Variants in SYNE1 observed in about 807,000 individuals in gnomAD.
SYNE1 encodes the protein spectrin repeat containing nuclear envelope protein 1, also known as nesprin-1.
Under a neutral mutation model 1,111.0 loss-of-function variants are expected in SYNE1, and 616 were observed. The ratio of observed to expected loss-of-function variants is 0.55; its 90% CI spans 0.52 to 0.59. The LOEUF (loss-of-function observed/expected upper bound fraction) is 0.59, where lower values mean the gene tolerates loss of function less well. Ranked by LOEUF, SYNE1 falls within the 20% of genes least tolerant of loss-of-function variation. SYNE1 has a pLI of 0.00. For missense variants in SYNE1, 10,006 were observed against 10,417.0 expected (o/e 0.96, Z 1.72); for synonymous variants, 3,855 against 3,825.8 (o/e 1.01, Z -0.28).
chr6:152,565,022 T>C (rs997097729), intron 3 of SYNE1, among the ~76,000 whole-genome samples: 20 of 152,250 alleles, frequency 1.3e-4, no homozygotes, highest in Admixed American at 1.1e-3. Flanking sequence ...TTTTTACTCT[T>C]ATTGATTTAA....
In SYNE1 at chr6:152,462,879, A is replaced by T. The variant is rs1405392641; in HGVS notation, c.2109T>A (p.Ala703=). The change falls in exon 20 of 146, where the codon GCT becomes GCA. Residue 703 remains alanine, a synonymous_variant. Transcript: ENST00000367255. ...CCTTCTTCATTCTGTCCATCTCATC[A>T]GCTTGAGCATACTGTTAAGGAAAGG... is the stretch of plus-strand genomic sequence containing the variant. ...LFMEVKQYAQ[A]DEMDRMKKEY... is the part of the protein sequence containing the mutation. 6.2e-7 allele frequency: 1 copy of T among 1,613,942 alleles called. No homozygotes were observed. Among genetic ancestry groups the T allele is most frequent in the East Asian group, 2.2e-5 (1 of 44,856 alleles).
At chr6:152,597,227 G>T (rs1223282271) in intron 3 of SYNE1, among the ~76,000 whole-genome samples, 1 of 152,074 alleles carries the variant, frequency 6.6e-6, no homozygotes. Flanking sequence ...TTAAATAGAC[G>T]TGCATCTTAC....
rs768586474 is a variant in SYNE1 at position 152,488,466 on chromosome 6, C to T, written c.977G>A (p.Trp326Ter). The T allele has an allele frequency of 1.2e-6, 2 of 1,607,784 alleles. No homozygotes were observed. The highest frequency in any genetic ancestry group is 1.3e-5 in the African/African-American group (1 of 74,896). ...DRVIFKEMKV[W>*]IEQFERDLTR... ...CAAATCTCTCTCAAATTGTTCTATCCAAACTTTCATTTCCTTAAAAATTAC... is the reference window on the plus strand; with the variant it reads ...CAAATCTCTCTCAAATTGTTCTATCTAAACTTTCATTTCCTTAAAAATTAC... Residue 326 changes from tryptophan to a stop codon, truncating the protein, a stop_gained, in exon 12 of 146, where the codon TGG becomes TAG. Coordinates refer to ENST00000367255, the MANE Select transcript of SYNE1 (RefSeq NM_182961.4). LOFTEE classifies it high-confidence loss of function.
intron 51 of SYNE1, among the ~76,000 whole-genome samples, chr6:152,392,637 G>C (rs1048260860): frequency 2.6e-5 from 4 of 152,028 alleles, no homozygotes; most frequent in African/African-American, 9.7e-5. Context: ...TATACAACAA[G>C]ACACCTACTC....
intron 59 of SYNE1, among the ~76,000 whole-genome samples, chr6:152,371,127 A>G (rs1190179777): frequency 1.3e-5 from 2 of 152,142 alleles, no homozygotes; most frequent in Non-Finnish European, 2.9e-5. Context: ...TCCTGTTACT[A>G]GAGCCTCATG....
intron 109 of SYNE1, 66 bp from the exon 110 acceptor site, chr6:152,236,369 T>G: frequency 8.6e-7 from 1 of 1,164,314 alleles, no homozygotes; most frequent in Non-Finnish European, 1.3e-6. Context: ...GAATTATAAT[T>G]TCTCTGGTAC....
chr6:152,145,008 C>T (rs2059218398), intron 137 of SYNE1: 1 of 183,274 alleles, frequency 5.5e-6, no homozygotes, highest in South Asian at 1.1e-4. Context: ...CTGATCTCAC[C>T]CCTTGTCTCA....
intron 14 of SYNE1, chr6:152,478,399 C>A (rs573445878): frequency 6.6e-6 from 1 of 151,626 alleles, no homozygotes; most frequent in Non-Finnish European, 1.5e-5. Flanking sequence ...TAAACTCCAA[C>A]AAAGAAAGAA....
At chr6:152,262,912 C>T (rs866919440) in intron 100 of SYNE1, among the ~76,000 whole-genome samples, 3 of 151,024 alleles carry the variant, frequency 2.0e-5, no homozygotes, top group South Asian at 2.1e-4. Context: ...TAGTACAGGG[C>T]CTGGGAAGGT....
chr6:152,279,611 C>T (rs930513969), intron 97 of SYNE1, among the ~76,000 whole-genome samples: 2 of 148,902 alleles, frequency 1.3e-5, no homozygotes, highest in African/African-American at 5.0e-5. Flanking sequence ...CCCGCACTTG[C>T]GGGGCTGAGG....
At chr6:152,421,577 A>G (rs965453605) in intron 39 of SYNE1, among the ~76,000 whole-genome samples, 3 of 152,064 alleles carry the variant, frequency 2.0e-5, no homozygotes, top group East Asian at 1.9e-4. Context: ...TTGAGTTTTT[A>G]TTATGTTCCC....
intron 3 of SYNE1, among the ~76,000 whole-genome samples, chr6:152,616,296 G>C (rs1282028577): frequency 2.0e-5 from 3 of 152,216 alleles, no homozygotes; most frequent in Admixed American, 2.0e-4. Context: ...GTGTTGGGCC[G>C]GGCACGGTCA....
intron 11 of SYNE1, among the ~76,000 whole-genome samples, chr6:152,495,530 G>C (rs149920338): frequency 6.6e-6 from 1 of 151,950 alleles, no homozygotes; most frequent in Admixed American, 6.6e-5. Flanking sequence ...TAACTTCCTC[G>C]TAAAGCAAAC....
intron 144 of SYNE1, 26 bp from the exon 145 acceptor site, chr6:152,130,804 G>C: frequency 6.2e-7 from 1 of 1,613,258 alleles, no homozygotes; most frequent in East Asian, 2.2e-5. Context: ...AGGGGGTAAA[G>C]AAAGAAGAAT....
rs1358096811 is a variant in SYNE1, at chr6:152,293,959, C to A, written c.17850+1G>T. 6.2e-7 allele frequency: 1 copy of A among 1,613,958 alleles called. No homozygotes were observed. The highest frequency in any genetic ancestry group is 8.5e-7 in the Non-Finnish European group (1 of 1,180,012). On this transcript the variant is annotated splice_donor_variant, in intron 94 of 145. Transcript: ENST00000367255. LOFTEE classifies it high-confidence loss of function. ...TAAACTAGTCCACCTTGAAGACTTA[C>A]CACATTCTTTAAGGTTTCCCAAGAA...
chr6:152,300,864 A>G, intron 92 of SYNE1, 83 bp from the exon 93 acceptor site: 2 of 1,598,244 alleles, frequency 1.3e-6, no homozygotes, highest in Non-Finnish European at 1.7e-6. Context: ...AGGCCAAAAC[A>G]GAGTTAATTA....
chr6:152,266,886 T>C (rs12195769), intron 100 of SYNE1, among the ~76,000 whole-genome samples: 8,738 of 152,264 alleles, frequency 0.057, 282 homozygotes, highest in Middle Eastern at 0.099. Context: ...TCAGCACTGA[T>C]TAAACTGCAA....
chr6:152,218,136 G>A, intron 121 of SYNE1, 121 bp downstream of exon 121: 1 of 1,171,804 alleles, frequency 8.5e-7, no homozygotes. Flanking sequence ...AGGTTGCAGT[G>A]AGCCGAGATC....
rs546971914 is a variant in SYNE1 at position 152,301,567 on chromosome 6, T to C, written c.17541+302A>G. On this transcript the variant is annotated intron_variant, in intron 92 of 145. Transcript: ENST00000367255. ...CTAAAACACTGTGCAAGTAAATTATTGTTTAAAGCTCAGAGCCTCTCAGTA... is the reference window on the plus strand; with the variant it reads ...CTAAAACACTGTGCAAGTAAATTATCGTTTAAAGCTCAGAGCCTCTCAGTA... 1.8e-4 allele frequency among the ~76,000 whole-genome samples: 27 copies of C among 152,326 alleles called. No homozygotes were observed. The South Asian group carries it at 5.6e-3, about 32-fold the overall frequency.
Sources: allele counts gnomAD v4.1 joint callset (sites outside exome capture counted in the v4.1 genomes callset), GRCh38; gene constraint gnomAD v4.1.1; transcripts MANE v1.5; gene names NCBI Gene and HGNC (gene_info 2026-07-23, HGNC 2026-07-21).